Variants in FAF1 observed in about 807,000 individuals in gnomAD.
The protein encoded by FAF1 is Fas associated factor 1.
In FAF1, 25 loss-of-function variants were observed where a neutral mutation model predicts 92.5. The observed-to-expected ratio is 0.27, with a 90% confidence interval of 0.20 to 0.38. The LOEUF is 0.38. FAF1 is among the 10% of genes least tolerant of loss of function. FAF1 has a pLI of 1.00. For missense variants in FAF1, 636 were observed against 793.3 expected (o/e 0.80, Z 2.38); for synonymous variants, 234 against 273.2 (o/e 0.86, Z 1.42).
chr1:50,795,041 C>T lies in FAF1; in HGVS notation c.161+6590G>A, dbSNP rs964727366. 9.2e-5 allele frequency among the ~76,000 whole-genome samples: 14 copies of T among 151,968 alleles called. 1 individual carries two copies. The highest frequency in any genetic ancestry group is 3.1e-4 in the African/African-American group (13 of 41,372). On this transcript the variant is annotated intron_variant, in intron 3 of 18. Coordinates refer to ENST00000396153, the MANE Select transcript of FAF1 (RefSeq NM_007051.3). ...GACATTGTTCAGTCAGCTTTTTTTC[C>T]CTTGCTACTGAGGCTGCTTGATGCA... is the stretch of plus-strand genomic sequence containing the variant.
chr1:50,637,697 G>A (rs1446920700), intron 8 of FAF1, among the ~76,000 whole-genome samples: 4 of 150,528 alleles, frequency 2.7e-5, no homozygotes, highest in African/African-American at 9.8e-5. Context: ...GTGTGTGTGT[G>A]TGTGTGTGTG....
At chr1:50,954,122 G>GT (rs1645244864) in intron 1 of FAF1, among the ~76,000 whole-genome samples, 1 of 151,758 alleles carries the variant, frequency 6.6e-6, no homozygotes, top group Non-Finnish European at 1.5e-5. Context: ...CTAATTTTTT[G>GT]TTTTTTAGTA....
intron 1 of FAF1, among the ~76,000 whole-genome samples, chr1:50,923,799 C>T (rs1476178450): frequency 6.6e-6 from 1 of 152,094 alleles, no homozygotes; most frequent in East Asian, 1.9e-4. Context: ...TACAGTACAT[C>T]AAAATAACAG....
chr1:50,694,792 CA>C (rs371721063), intron 7 of FAF1, among the ~76,000 whole-genome samples: 2,027 of 55,814 alleles, frequency 0.036, 31 homozygotes, highest in African/African-American at 0.08. Context: ...CTAAAAAATA[CA>C]AAAAAAAAAA....
intron 6 of FAF1, among the ~76,000 whole-genome samples, chr1:50,719,816 C>T (rs1385225772): frequency 6.6e-6 from 1 of 152,148 alleles, no homozygotes; most frequent in East Asian, 1.9e-4. Context: ...AAATGTGATG[C>T]TAACAAGCTA....
At chr1:50,506,531 A>G (rs1647060512) in intron 15 of FAF1, among the ~76,000 whole-genome samples, 1 of 152,104 alleles carries the variant, frequency 6.6e-6, no homozygotes, top group Admixed American at 6.6e-5. Context: ...CTCCTCCCCA[A>G]ATCCTGGATT....
chr1:50,564,230 G>A lies in FAF1; in HGVS notation c.1268+2847C>T, dbSNP rs528949448. Among the ~76,000 whole-genome samples the A allele has an allele frequency of 2.0e-5, 3 of 152,014 alleles. No homozygotes were observed. In the South Asian group the frequency reaches 6.2e-4, roughly 32 times the overall value. On this transcript the variant is annotated intron_variant, in intron 13 of 18. Transcript: ENST00000396153. ...ACATCCTCAGCTATAATATCAGATGGTAGTCCTAGGAAACCACTACAAAAA... is the reference window on the plus strand; with the variant it reads ...ACATCCTCAGCTATAATATCAGATGATAGTCCTAGGAAACCACTACAAAAA...
chr1:50,713,025 G>A (rs980213236), intron 6 of FAF1, among the ~76,000 whole-genome samples: 3 of 151,482 alleles, frequency 2.0e-5, no homozygotes, highest in Non-Finnish European at 4.4e-5. Context: ...AGCCCAGCAT[G>A]GTGGCACGCG....
chr1:50,851,362 T>G (rs755658026), intron 2 of FAF1, among the ~76,000 whole-genome samples: 1 of 152,234 alleles, frequency 6.6e-6, no homozygotes, highest in African/African-American at 2.4e-5. Flanking sequence ...CGTGAGCCAC[T>G]GCACCAAGTC....
At chr1:50,803,942 G>A (rs1409917465) in intron 2 of FAF1, among the ~76,000 whole-genome samples, 1 of 152,112 alleles carries the variant, frequency 6.6e-6, no homozygotes, top group African/African-American at 2.4e-5. Flanking sequence ...TTTTGACTGT[G>A]ATGATTAAGG....
chr1:50,724,276 T>C (rs1192825756), intron 6 of FAF1, among the ~76,000 whole-genome samples: 103 of 114,912 alleles, frequency 9.0e-4, no homozygotes, highest in East Asian at 4.3e-3. Context: ...TATATACATA[T>C]ACACACACAC....
chr1:50,901,737 T>C (rs1010830909), intron 1 of FAF1, among the ~76,000 whole-genome samples: 2 of 151,886 alleles, frequency 1.3e-5, no homozygotes, highest in African/African-American at 4.8e-5. Flanking sequence ...TGGTGGTGCA[T>C]GCTTGAGGTC....
intron 8 of FAF1, among the ~76,000 whole-genome samples, chr1:50,643,949 T>C (rs1324598173): frequency 6.6e-6 from 1 of 152,202 alleles, no homozygotes; most frequent in Admixed American, 6.5e-5. Flanking sequence ...TTTCCTCTTA[T>C]GTTTTCACTT....
intron 17 of FAF1, among the ~76,000 whole-genome samples, chr1:50,484,240 C>T (rs1322796529): frequency 1.3e-5 from 2 of 152,080 alleles, no homozygotes; most frequent in African/African-American, 4.8e-5. Context: ...ACTATGACCT[C>T]ATTTCTGGAT....
chr1:50,842,914 T>C (rs572453632), intron 2 of FAF1, among the ~76,000 whole-genome samples: 50 of 152,276 alleles, frequency 3.3e-4, no homozygotes, highest in Non-Finnish European at 4.4e-4. Flanking sequence ...TAAAATCCAA[T>C]AAGACTGTGG....
intron 8 of FAF1, among the ~76,000 whole-genome samples, chr1:50,653,353 C>T (rs1393472323): frequency 6.6e-6 from 1 of 151,836 alleles, no homozygotes; most frequent in African/African-American, 2.4e-5. Context: ...AATAAAGGGG[C>T]TTTTGTTTTT....
At chr1:50,553,125 G>A (rs1649390835) in intron 13 of FAF1, among the ~76,000 whole-genome samples, 1 of 152,172 alleles carries the variant, frequency 6.6e-6, no homozygotes, top group South Asian at 2.1e-4. Flanking sequence ...ATAGGAAAGG[G>A]TAGATGGGGT....
At chr1:50,687,365 A>AC (rs1656712417) in intron 7 of FAF1, among the ~76,000 whole-genome samples, 1 of 151,926 alleles carries the variant, frequency 6.6e-6, no homozygotes, top group Non-Finnish European at 1.5e-5. Context: ...CAAAAAAAAA[A>AC]AAAAAAAACC....
intron 6 of FAF1, among the ~76,000 whole-genome samples, chr1:50,712,637 CAG>C (rs889470959): frequency 1.3e-5 from 2 of 152,064 alleles, no homozygotes; most frequent in East Asian, 1.9e-4. Flanking sequence ...GCCTGGGCAG[CAG>C]AGAGAGACTC....
Sources: allele counts gnomAD v4.1 joint callset (sites outside exome capture counted in the v4.1 genomes callset), GRCh38; gene constraint gnomAD v4.1.1; transcripts MANE v1.5; gene names NCBI Gene and HGNC (gene_info 2026-07-23, HGNC 2026-07-21).